The following PCDHGB7 variants were observed in gnomAD, a reference collection of about 807,000 sequenced individuals.
PCDHGB7 encodes the protein protocadherin gamma-B7.
PCDHGB7 carries 37 observed loss-of-function variants against 61.4 expected under a neutral mutation model. The observed-to-expected ratio is 0.60, with a 90% CI of 0.46 to 0.79. The LOEUF (loss-of-function observed/expected upper bound fraction) is 0.79. Ranked by LOEUF, PCDHGB7 falls within the 30% of genes least tolerant of loss-of-function variation. PCDHGB7 has a pLI of 0.00. For missense variants in PCDHGB7, 1,166 were observed against 1,202.5 expected (o/e 0.97, Z 0.45); for synonymous variants, 464 against 503.5 (o/e 0.92, Z 1.05).
At position 141,432,156 on chromosome 5, in the gene PCDHGB7, C is replaced by A; in HGVS notation, c.2415+11882C>A. On this transcript the variant is annotated intron_variant, in intron 1 of 3. Transcript: ENST00000398594. This position sits in a 1 kb window ranked among gnomAD's most constrained non-coding sequence, Gnocchi z 6.0. Reference sequence around the variant, plus strand: ...TCCGCTTATATCCCAGAGAACAATCCCAGAGGAGTTTCCCTCGTCTCTGTG... The same window carrying A: ...TCCGCTTATATCCCAGAGAACAATCACAGAGGAGTTTCCCTCGTCTCTGTG... The A allele has an allele frequency of 6.2e-7, 1 of 1,614,142 alleles. No homozygotes were observed. Among genetic ancestry groups the A allele is most frequent in the East Asian group, 2.2e-5 (1 of 44,874 alleles).
At chr5:141,428,312 C>A in intron 1 of PCDHGB7, 1 of 671,484 alleles carries the variant, frequency 1.5e-6, no homozygotes, top group Non-Finnish European at 2.7e-6. Flanking sequence ...CTGGTCGTGG[C>A]CTTGGCCTTG....
chr5:141,490,948 G>T lies in PCDHGB7; in HGVS notation c.2416-3859G>T. 1 of 1,613,756 alleles carries T rather than the reference G, an allele frequency of 6.2e-7. No homozygotes were observed. The highest frequency in any genetic ancestry group is 8.5e-7 in the Non-Finnish European group (1 of 1,179,810). On this transcript the variant is annotated intron_variant, in intron 1 of 3. Coordinates refer to ENST00000398594, the MANE Select transcript of PCDHGB7 (RefSeq NM_018927.4). The surrounding 1 kb of genome is among the most constrained non-coding windows in gnomAD (Gnocchi z 5.4). The stretch of plus-strand genomic sequence containing the variant: ...CCCAGCTGTGCTGCACCCACGGCCA[G>T]ACTGGGAACACTCAGCCCCCCAGCG...
intron 1 of PCDHGB7, among the ~76,000 whole-genome samples, chr5:141,472,980 C>CAAAAAAAAAAAAAAAAAGAAAAAA (rs2099309731): frequency 2.3e-5 from 2 of 86,106 alleles, no homozygotes; most frequent in Non-Finnish European, 5.0e-5. Flanking sequence ...GAGTGAAACT[C>CAAAAAAAAAAAAAAAAAGAAAAAA]AAAAAAAAAA....
At chr5:141,459,806 A>G (rs2154566682) in intron 1 of PCDHGB7, among the ~76,000 whole-genome samples, 1 of 152,342 alleles carries the variant, frequency 6.6e-6, no homozygotes, top group African/African-American at 2.4e-5. Flanking sequence ...CCTGTTGACT[A>G]GAGACACTGA....
rs2099643895 is a variant in PCDHGB7 at position 141,487,385 on chromosome 5, C to T, written c.2416-7422C>T. 1.9e-6 allele frequency: 3 copies of T among 1,614,160 alleles called. No homozygotes were observed. The highest frequency in any genetic ancestry group is 1.1e-5 in the South Asian group (1 of 91,086). On this transcript the variant is annotated intron_variant, in intron 1 of 3. Transcript: ENST00000398594. This position sits in a 1 kb window ranked among gnomAD's most constrained non-coding sequence, Gnocchi z 5.0. Reference sequence around the variant, plus strand: ...CACCTGTGCCTGTCTCACCAGATCTCGAAGGAGGGAGGGGCTTCCCCCTTC... The same window carrying T: ...CACCTGTGCCTGTCTCACCAGATCTTGAAGGAGGGAGGGGCTTCCCCCTTC...
At position 141,486,878 on chromosome 5, in the gene PCDHGB7, C is replaced by T. The variant is rs772994346; in HGVS notation, c.2416-7929C>T. ...CAATGCTCCAGCTGTGCTCCGTCCT[C>T]GGGCCCGGCCTGGTTCCTTATGTCC... On this transcript the variant is annotated intron_variant, in intron 1 of 3. Transcript: ENST00000398594. The surrounding 1 kb of genome is among the most constrained non-coding windows in gnomAD (Gnocchi z 5.0). 3.0e-5 allele frequency: 49 copies of T among 1,614,114 alleles called. No homozygotes were observed. The highest frequency in any genetic ancestry group is 4.4e-5 in the South Asian group (4 of 91,088).
chr5:141,471,042 C>G (rs2099247416), intron 1 of PCDHGB7, among the ~76,000 whole-genome samples: 1 of 139,088 alleles, frequency 7.2e-6, no homozygotes, highest in South Asian at 2.3e-4. Flanking sequence ...CAAGCCCAAG[C>G]CCTCTTTTTT....
chr5:141,428,492 A>C (rs2097142759), intron 1 of PCDHGB7: 1 of 307,660 alleles, frequency 3.3e-6, no homozygotes. Flanking sequence ...TGCAATCTGT[A>C]TGTTCCCTCG....
At chr5:141,445,339 A>G (rs1450773291) in intron 1 of PCDHGB7, among the ~76,000 whole-genome samples, 1 of 152,152 alleles carries the variant, frequency 6.6e-6, no homozygotes, top group Non-Finnish European at 1.5e-5. Context: ...GAAACAGTAA[A>G]CATTGGTGTC....
chr5:141,431,325 G>C lies in PCDHGB7; in HGVS notation c.2415+11051G>C, dbSNP rs772252181. On this transcript the variant is annotated intron_variant, in intron 1 of 3. Coordinates refer to ENST00000398594, the MANE Select transcript of PCDHGB7 (RefSeq NM_018927.4). The surrounding 1 kb of genome is among the most constrained non-coding windows in gnomAD (Gnocchi z 4.8). Reference sequence around the variant, plus strand: ...ATCGTGCAAAATGGAGCCGACGGTAGTAAGTACCCCGAATTGGTGCTGAAA... The same window carrying C: ...ATCGTGCAAAATGGAGCCGACGGTACTAAGTACCCCGAATTGGTGCTGAAA... 4.3e-6 allele frequency: 7 copies of C among 1,614,144 alleles called. No individual in the cohort carries two copies. In the Admixed American group the frequency reaches 8.3e-5, roughly 19 times the overall value.
At chr5:141,423,022 T>C in intron 1 of PCDHGB7, 1 of 1,614,194 alleles carries the variant, frequency 6.2e-7, no homozygotes, top group Non-Finnish European at 8.5e-7. Flanking sequence ...GGACAAAGAT[T>C]CAGGCCAGAA....
At position 141,431,433 on chromosome 5, in the gene PCDHGB7, C is replaced by T; in HGVS notation, c.2415+11159C>T. ...GGGGGCGACCCGGTGCGCACAGGCA[C>T]CGCGCGCATCCGCGTGATGGTTCTG... On this transcript the variant is annotated intron_variant, in intron 1 of 3. Transcript: ENST00000398594. This position sits in a 1 kb window ranked among gnomAD's most constrained non-coding sequence, Gnocchi z 4.8. 1.9e-6 allele frequency: 3 copies of T among 1,613,716 alleles called. No homozygotes were observed. The highest frequency in any genetic ancestry group is 2.5e-6 in the Non-Finnish European group (3 of 1,180,028).
intron 2 of PCDHGB7, among the ~76,000 whole-genome samples, chr5:141,504,402 G>A (rs2099837969): frequency 6.6e-6 from 1 of 152,170 alleles, no homozygotes; most frequent in Admixed American, 6.6e-5. Context: ...AGCCAGTGTG[G>A]TGGAGGAACA....
chr5:141,494,386 T>G (rs2099753905), intron 1 of PCDHGB7, among the ~76,000 whole-genome samples: 1 of 152,198 alleles, frequency 6.6e-6, no homozygotes, highest in African/African-American at 2.4e-5. Context: ...GCTGAGGAGT[T>G]GAATAAATTC....
intron 1 of PCDHGB7, chr5:141,424,652 G>T (rs1392693867): frequency 6.6e-6 from 1 of 152,120 alleles, no homozygotes; most frequent in East Asian, 1.9e-4. Context: ...AAGGTATTTG[G>T]ACTTTAATTA....
At chr5:141,445,269 C>A (rs535300313) in intron 1 of PCDHGB7, among the ~76,000 whole-genome samples, 1 of 152,260 alleles carries the variant, frequency 6.6e-6, no homozygotes, top group Non-Finnish European at 1.5e-5. Flanking sequence ...AAGTCGAAAC[C>A]ACTCTGCATA....
Position 141,493,554 on chromosome 5 carries a change from G to A in PCDHGB7, c.2416-1253G>A, listed in dbSNP as rs2099748882. The stretch of plus-strand genomic sequence containing the variant: ...GGCCAGTTATCCTTTTGGAGATTGA[G>A]TTCCCCCAGCTCCGTTTCCTCCTAT... On this transcript the variant is annotated intron_variant, in intron 1 of 3. Coordinates refer to ENST00000398594, the MANE Select transcript of PCDHGB7 (RefSeq NM_018927.4). The surrounding 1 kb of genome is among the most constrained non-coding windows in gnomAD (Gnocchi z 4.3). 6.6e-6 allele frequency among the ~76,000 whole-genome samples: 1 copy of A among 152,166 alleles called. No homozygotes were observed. Among genetic ancestry groups the A allele is most frequent in the Admixed American group, 6.5e-5 (1 of 15,282 alleles).
Position 141,422,343 on chromosome 5 carries a change from G to T in PCDHGB7, c.2415+2069G>T, listed in dbSNP as rs764862139. ...GTACAGTGATTGCTCTTCTAAATGT[G>T]CAAGATCAAGATTCTGGAGAAAATG... On this transcript the variant is annotated intron_variant, in intron 1 of 3. Transcript: ENST00000398594. 1.9e-6 allele frequency: 3 copies of T among 1,551,388 alleles called. No individual in the cohort carries two copies. The East Asian group carries it at 6.7e-5, about 35-fold the overall frequency.
At chr5:141,451,151 A>AT (rs1324071351) in intron 1 of PCDHGB7, among the ~76,000 whole-genome samples, 2 of 152,190 alleles carry the variant, frequency 1.3e-5, no homozygotes, top group Admixed American at 6.5e-5. Context: ...TAGACTAGAC[A>AT]TTTTTTTGGT....
Sources: allele counts gnomAD v4.1 joint callset (sites outside exome capture counted in the v4.1 genomes callset), GRCh38; gene constraint gnomAD v4.1.1; non-coding constraint Gnocchi (gnomAD v3.1); transcripts MANE v1.5; gene names NCBI Gene and HGNC (gene_info 2026-07-23, HGNC 2026-07-21).